Variants in DOCK4 observed in about 807,000 individuals in gnomAD.
DOCK4 encodes dedicator of cytokinesis protein 4.
A neutral mutation model predicts 268.1 loss-of-function variants in DOCK4; 97 were observed. The ratio of observed to expected loss-of-function variants is 0.36; its 90% CI spans 0.31 to 0.43. The LOEUF (loss-of-function observed/expected upper bound fraction) is 0.43, where lower values mean the gene tolerates loss of function less well. Among genes scored for constraint, DOCK4 ranks in the 20% least tolerant of loss-of-function variants. The probability of loss-of-function intolerance (pLI) is 1.00; values close to 1 mark genes in which losing one functional copy is unlikely to be tolerated. For missense variants in DOCK4, 2,145 were observed against 2,455.7 expected, an observed-to-expected ratio of 0.87 and a Z score of 2.67; for synonymous variants, 954 against 887.2, an observed-to-expected ratio of 1.08 and a Z score of -1.34.
At chr7:111,953,421 G>A (rs1342032143) in intron 8 of DOCK4, among the ~76,000 whole-genome samples, 1 of 152,108 alleles carries the variant, frequency 6.6e-6, no homozygotes, top group East Asian at 1.9e-4. Context: ...CAAACGTAAG[G>A]TGATCTGAAT....
intron 23 of DOCK4, among the ~76,000 whole-genome samples, chr7:111,849,540 T>C (rs1804383115): frequency 6.6e-6 from 1 of 151,968 alleles, no homozygotes; most frequent in Non-Finnish European, 1.5e-5. Context: ...TGGGATTACT[T>C]TTTTCTTTAT....
chr7:112,088,510 T>C (rs1809328872), intron 1 of DOCK4, among the ~76,000 whole-genome samples: 1 of 152,154 alleles, frequency 6.6e-6, no homozygotes, highest in Non-Finnish European at 1.5e-5. Flanking sequence ...TCTGTACATA[T>C]CCAAGTCTTC....
intron 51 of DOCK4, among the ~76,000 whole-genome samples, chr7:111,734,779 A>C (rs1795354248): frequency 6.6e-6 from 1 of 152,170 alleles, no homozygotes; most frequent in African/African-American, 2.4e-5. Flanking sequence ...TGGCCTACCA[A>C]GGTTAGGGTG....
intron 37 of DOCK4, among the ~76,000 whole-genome samples, chr7:111,768,080 G>C (rs934516068): frequency 6.6e-6 from 1 of 152,086 alleles, no homozygotes; most frequent in African/African-American, 2.4e-5. Flanking sequence ...ACTAAAATGT[G>C]CATTTCATAT....
intron 12 of DOCK4, among the ~76,000 whole-genome samples, chr7:111,920,446 A>C (rs1323667307): frequency 6.6e-6 from 1 of 152,172 alleles, no homozygotes; most frequent in Non-Finnish European, 1.5e-5. Flanking sequence ...TGGGGCAAAA[A>C]AGACAAATAT....
chr7:111,874,692 T>G (rs1306123409), intron 17 of DOCK4, among the ~76,000 whole-genome samples: 1 of 152,212 alleles, frequency 6.6e-6, no homozygotes, highest in Non-Finnish European at 1.5e-5. Flanking sequence ...AGGTGTATAT[T>G]ATGTACCTAA....
chr7:112,012,680 C>G (rs1410700964), intron 1 of DOCK4, among the ~76,000 whole-genome samples: 2 of 151,940 alleles, frequency 1.3e-5, no homozygotes, highest in African/African-American at 4.8e-5. Context: ...GAAAAAAAAC[C>G]TCCTTTTTCC....
chr7:112,035,978 T>C (rs928176815), intron 1 of DOCK4, among the ~76,000 whole-genome samples: 1 of 151,986 alleles, frequency 6.6e-6, no homozygotes, highest in African/African-American at 2.4e-5. Flanking sequence ...ACTTCAAGTA[T>C]CAAATATAAA....
rs151059138 is a variant in DOCK4, at chr7:111,832,550, C to T, written c.2835+2038G>A. 2.1e-4 allele frequency among the ~76,000 whole-genome samples: 32 copies of T among 151,652 alleles called. 2 individuals carry two copies. The highest frequency in any genetic ancestry group is 7.0e-4 in the African/African-American group (29 of 41,370). On this transcript the variant is annotated intron_variant, in intron 26 of 52. Coordinates refer to ENST00000428084, the MANE Select transcript of DOCK4 (RefSeq NM_001363540.2). ...AGGCCTTGCTATTTTTTTTTTCAGACGGAGTCTCACTCTGTTGCCCAGGCT... is the reference window on the plus strand; with the variant it reads ...AGGCCTTGCTATTTTTTTTTTCAGATGGAGTCTCACTCTGTTGCCCAGGCT...
At chr7:111,856,494 C>T (rs753047813) in intron 23 of DOCK4, among the ~76,000 whole-genome samples, 7 of 152,192 alleles carry the variant, frequency 4.6e-5, no homozygotes, top group Non-Finnish European at 7.3e-5. Flanking sequence ...TGGTTAAGAA[C>T]ATCCACTTAA....
intron 16 of DOCK4, among the ~76,000 whole-genome samples, chr7:111,892,667 C>A (rs550054428): frequency 6.6e-6 from 1 of 152,330 alleles, no homozygotes; most frequent in African/African-American, 2.4e-5. Flanking sequence ...TCTCTCTCCA[C>A]GTTTCTTTTT....
In DOCK4 at chr7:112,128,969, T is replaced by A. The variant is rs377345077; in HGVS notation, c.37+77133A>T. ...ACTGCTGGTGAAAATGTAGAATAGA[T>A]AGTCACTGCGGAAAGCAGGTTGGGT... On this transcript the variant is annotated intron_variant, in intron 1 of 52. Coordinates refer to ENST00000428084, the MANE Select transcript of DOCK4 (RefSeq NM_001363540.2). Among the ~76,000 whole-genome samples, 16 of 152,282 alleles carry A rather than the reference T, an allele frequency of 1.1e-4. 1 individual carries two copies. The highest frequency in any genetic ancestry group is 3.9e-4 in the African/African-American group (16 of 41,532).
chr7:111,758,618 T>G lies in DOCK4; in HGVS notation c.4329+6A>C. ...GAGTTAGCATGTAATAAGAATTGCA[T>G]GGTACCTTGAATTCATTCTCTTTAT... On this transcript the variant is annotated splice_donor_region_variant and intron_variant, in intron 41 of 52. Coordinates refer to ENST00000428084, the MANE Select transcript of DOCK4 (RefSeq NM_001363540.2). 6.2e-7 allele frequency: 1 copy of G among 1,613,708 alleles called. No homozygotes were observed. Among genetic ancestry groups the G allele is most frequent in the Non-Finnish European group, 8.5e-7 (1 of 1,179,744 alleles).
intron 24 of DOCK4, among the ~76,000 whole-genome samples, chr7:111,846,172 C>G (rs986231964): frequency 1.3e-5 from 2 of 152,126 alleles, no homozygotes; most frequent in Non-Finnish European, 2.9e-5. Context: ...AGAAGCTGAT[C>G]GTAAGTGACA....
intron 8 of DOCK4, among the ~76,000 whole-genome samples, chr7:111,957,535 A>T (rs957565625): frequency 9.9e-5 from 15 of 152,216 alleles, no homozygotes; most frequent in African/African-American, 3.6e-4. Context: ...GAACATCAGT[A>T]GACTACAAGC....
intron 13 of DOCK4, among the ~76,000 whole-genome samples, 156 bp downstream of exon 13, chr7:111,915,623 A>G (rs895842514): frequency 6.6e-6 from 1 of 152,222 alleles, no homozygotes; most frequent in Non-Finnish European, 1.5e-5. Flanking sequence ...GATATTTTAG[A>G]AAAAAATGTG....
At chr7:111,729,497 G>A (rs1051248964) in intron 52 of DOCK4, among the ~76,000 whole-genome samples, 14 of 152,088 alleles carry the variant, frequency 9.2e-5, no homozygotes, top group Non-Finnish European at 1.5e-4. Context: ...GCAGTGAGCC[G>A]TGGAGCCACC....
chr7:111,832,276 C>T (rs1802881194), intron 26 of DOCK4, among the ~76,000 whole-genome samples: 3 of 152,154 alleles, frequency 2.0e-5, no homozygotes, highest in South Asian at 2.1e-4. Flanking sequence ...TTTCCTGTTG[C>T]CTTGAGTCTG....
At chr7:111,772,202 A>G (rs921929197) in intron 36 of DOCK4, among the ~76,000 whole-genome samples, 1 of 151,896 alleles carries the variant, frequency 6.6e-6, no homozygotes, top group African/African-American at 2.4e-5. Context: ...TGAGGCCAAG[A>G]GTTTAAGATC....
Sources: allele counts gnomAD v4.1 joint callset (sites outside exome capture counted in the v4.1 genomes callset), GRCh38; gene constraint gnomAD v4.1.1; transcripts MANE v1.5; gene names NCBI Gene and HGNC (gene_info 2026-07-23, HGNC 2026-07-21).